The following MAGI3 variants were observed in gnomAD, a reference collection of about 807,000 sequenced individuals.
MAGI3 encodes the protein membrane associated guanylate kinase, WW and PDZ domain containing 3.
Under a neutral mutation model 121.8 loss-of-function variants are expected in MAGI3, and 43 were observed. The ratio of observed to expected loss-of-function variants is 0.35; its 90% CI spans 0.28 to 0.46. MAGI3 has a LOEUF of 0.46. MAGI3 is among the 20% of genes least tolerant of loss of function. The probability of loss-of-function intolerance (pLI) is 1.00; values close to 1 mark genes in which losing one functional copy is unlikely to be tolerated. For missense variants in MAGI3, 1,547 were observed against 1,797.3 expected (o/e 0.86, Z 2.52); for synonymous variants, 553 against 639.3 (o/e 0.86, Z 2.04).
chr1:113,590,731 A>C, intron 5 of MAGI3, 73 bp downstream of exon 5: 3 of 1,370,920 alleles, frequency 2.2e-6, no homozygotes, highest in Non-Finnish European at 3.0e-6. Flanking sequence ...TTTAAACCTC[A>C]TTTTAGACAC....
At position 113,685,229 on chromosome 1, in the gene MAGI3, C is replaced by T. The variant is rs896881494; in HGVS notation, c.*1215C>T. On this transcript the variant is annotated 3_prime_UTR_variant, in exon 21 of 21. Coordinates refer to ENST00000307546, the MANE Select transcript of MAGI3 (RefSeq NM_001142782.2). The stretch of plus-strand genomic sequence containing the variant: ...CATTTTCAGAATTCTTTTTAAAAGT[C>T]TAGTTAAAGATGTTTCTTAGAAGTT... 1 of 152,342 alleles carries T rather than the reference C, an allele frequency of 6.6e-6. No individual in the cohort carries two copies. Among genetic ancestry groups the T allele is most frequent in the African/African-American group, 2.4e-5 (1 of 41,464 alleles). 9.4% of individuals were successfully genotyped at this position (152,342 alleles called of 1,614,324 possible). A position where few individuals can be genotyped will look rare whatever the true frequency, so the allele number is the denominator to read the frequency against.
chr1:113,539,542 ATTAAT>A (rs1300327404), intron 1 of MAGI3, among the ~76,000 whole-genome samples: 3 of 151,638 alleles, frequency 2.0e-5, no homozygotes, highest in Non-Finnish European at 4.4e-5. Flanking sequence ...TTTTTAATTA[ATTAAT>A]TTATTATTAT....
chr1:113,518,563 T>C (rs185161026), intron 1 of MAGI3, among the ~76,000 whole-genome samples: 2 of 152,232 alleles, frequency 1.3e-5, no homozygotes, highest in Admixed American at 1.3e-4. Context: ...CAACTATAAT[T>C]AGATTAACAG....
intron 1 of MAGI3, among the ~76,000 whole-genome samples, chr1:113,437,877 TCTCCTTCTCCTTCTC>T (rs1570675487): frequency 5.7e-4 from 2 of 3,520 alleles, no homozygotes; most frequent in African/African-American, 1.1e-3. Context: ...TTCTTCTTCT[TCTCCTTCTCCTTCTC>T]CTTCTCCTTC....
rs373487616 is a variant in MAGI3, at chr1:113,663,534, G to C, written c.2815+4269G>C. Among the ~76,000 whole-genome samples, 149 of 152,066 alleles carry C rather than the reference G, an allele frequency of 9.8e-4. 5 individuals are homozygous for C. In the South Asian group the frequency reaches 0.03, roughly 31 times the overall value. On this transcript the variant is annotated intron_variant, in intron 16 of 20. Transcript: ENST00000307546. ...TACGTCCTAGTTGTAGCATGCATCA[G>C]TACTGCATTCCTTTTTATGACTAAT... is the stretch of plus-strand genomic sequence containing the variant.
chr1:113,508,274 G>C (rs1044480677), intron 1 of MAGI3, among the ~76,000 whole-genome samples: 1 of 152,200 alleles, frequency 6.6e-6, no homozygotes, highest in Non-Finnish European at 1.5e-5. Context: ...TAAGGGGAAA[G>C]AGAAGCAGAG....
rs1291834288 is a variant in MAGI3, at chr1:113,637,619, C to A, written c.1361-4292C>A. Among the ~76,000 whole-genome samples the A allele has an allele frequency of 3.3e-5, 5 of 152,170 alleles. No individual in the cohort carries two copies. The East Asian group carries it at 9.6e-4, about 29-fold the overall frequency. ...GATCCACTGTTAGTCTGATGGGCTT[C>A]CCTTTGTGGGTAACCCGACCTTTCT... On this transcript the variant is annotated intron_variant, in intron 9 of 20. Coordinates refer to ENST00000307546, the MANE Select transcript of MAGI3 (RefSeq NM_001142782.2).
At chr1:113,523,809 A>G (rs1167685418) in intron 1 of MAGI3, among the ~76,000 whole-genome samples, 1 of 152,210 alleles carries the variant, frequency 6.6e-6, no homozygotes, top group East Asian at 1.9e-4. Flanking sequence ...AATTTGCATA[A>G]GTAACGAGGA....
At chr1:113,549,042 G>A (rs925135811) in intron 1 of MAGI3, among the ~76,000 whole-genome samples, 1 of 152,188 alleles carries the variant, frequency 6.6e-6, no homozygotes, top group Non-Finnish European at 1.5e-5. Flanking sequence ...GGAAACATTG[G>A]GGGCAGATGG....
intron 6 of MAGI3, among the ~76,000 whole-genome samples, chr1:113,613,585 G>T (rs1268389766): frequency 6.6e-6 from 1 of 152,130 alleles, no homozygotes; most frequent in African/African-American, 2.4e-5. Flanking sequence ...AAACCTGTTT[G>T]CTGTCCAGCG....
At chr1:113,640,798 C>G (rs908953563) in intron 9 of MAGI3, among the ~76,000 whole-genome samples, 8 of 150,282 alleles carry the variant, frequency 5.3e-5, no homozygotes, top group African/African-American at 2.0e-4. Flanking sequence ...ACCTAGATGA[C>G]GGGTTGATAG....
At chr1:113,473,035 G>T (rs928348219) in intron 1 of MAGI3, among the ~76,000 whole-genome samples, 7 of 152,114 alleles carry the variant, frequency 4.6e-5, no homozygotes, top group Non-Finnish European at 8.8e-5. Flanking sequence ...TGAATTTATA[G>T]TAACTTTTTA....
intron 7 of MAGI3, among the ~76,000 whole-genome samples, chr1:113,616,885 CTTT>C (rs36011283): frequency 2.2e-5 from 3 of 134,132 alleles, no homozygotes; most frequent in Admixed American, 7.7e-5. Flanking sequence ...ACAACTAAAA[CTTT>C]TTTTTTTTTT....
chr1:113,683,958 G>T lies in MAGI3; in HGVS notation c.4390G>T (p.Val1464Phe), dbSNP rs748892414. ...ACTGATAACTCCAGGGCCCTGGAAGGTTCCAAGTGGAAATAAAGTCACAGG... is the reference window on the plus strand; with the variant it reads ...ACTGATAACTCCAGGGCCCTGGAAGTTTCCAAGTGGAAATAAAGTCACAGG... ...KTLITPGPWKVPSGNKVTGTI... is the reference protein window; with the variant it reads ...KTLITPGPWKFPSGNKVTGTI... Residue 1464 changes from valine (V) to phenylalanine (F), a missense_variant, in exon 21 of 21, where the codon GTT becomes TTT. Val to Phe is a conservative substitution (Grantham distance 50, BLOSUM62 -1). Transcript: ENST00000307546. 30 of 1,601,664 alleles carry T rather than the reference G, an allele frequency of 1.9e-5. No individual in the cohort carries two copies. The South Asian group carries it at 3.3e-4, about 18-fold the overall frequency.
chr1:113,614,615 T>C lies in MAGI3; in HGVS notation c.1033T>C (p.Trp345Arg). The C allele has an allele frequency of 6.2e-7, 1 of 1,609,870 alleles. No individual in the cohort carries two copies. The change falls in exon 7 of 21, where the codon TGG (tryptophan) becomes CGG (arginine). Residue 345 changes from tryptophan (W) to arginine (R), a missense_variant. Physicochemically the swap from Trp to Arg is moderately radical, Grantham distance 101 (BLOSUM62 -3). Transcript: ENST00000307546. The part of the protein sequence containing the change: ...DCEDGELPYG[W>R]EKIEDPQYGT... ...TTTATTTACAGAGCTTCCTTATGGCTGGGAGAAAATAGAGGACCCTCAGTA... is the reference window on the plus strand; with the variant it reads ...TTTATTTACAGAGCTTCCTTATGGCCGGGAGAAAATAGAGGACCCTCAGTA...
At chr1:113,514,423 C>T (rs1417922611) in intron 1 of MAGI3, among the ~76,000 whole-genome samples, 1 of 152,022 alleles carries the variant, frequency 6.6e-6, no homozygotes, top group African/African-American at 2.4e-5. Flanking sequence ...GGCACATATA[C>T]ACCATGGAAT....
chr1:113,618,489 T>C, intron 7 of MAGI3: 1 of 448,968 alleles, frequency 2.2e-6, no homozygotes, highest in Non-Finnish European at 4.4e-6. Context: ...TGTTCACTCA[T>C]ATCACCTCTT....
intron 1 of MAGI3, among the ~76,000 whole-genome samples, chr1:113,407,814 A>G (rs1484326552): frequency 6.6e-6 from 1 of 152,188 alleles, no homozygotes; most frequent in Non-Finnish European, 1.5e-5. Context: ...AAATGGGACA[A>G]GTTTTCCCAC....
At chr1:113,401,575 G>A (rs982142248) in intron 1 of MAGI3, among the ~76,000 whole-genome samples, 1 of 152,048 alleles carries the variant, frequency 6.6e-6, no homozygotes, top group Non-Finnish European at 1.5e-5. Context: ...ACATATTTTA[G>A]GATAAATATA....
Sources: gnomAD v4.1 joint callset for allele counts (sites outside exome capture counted in the v4.1 genomes callset) on GRCh38, gnomAD v4.1.1 for gene constraint, MANE v1.5 for transcripts, NCBI Gene and HGNC (gene_info 2026-07-23, HGNC 2026-07-21) for gene names.